The following MTFR1 variants were observed in gnomAD, a reference collection of about 807,000 sequenced individuals.
MTFR1 encodes mitochondrial fission regulator 1, also known as chondrocyte protein with a poly-proline region.
In MTFR1, 28 loss-of-function variants were observed where a neutral mutation model predicts 38.8. That is an observed-to-expected ratio of 0.72 (90% confidence interval 0.53 to 0.99). The LOEUF is 0.99. Among genes scored for constraint, MTFR1 ranks in the 50% least tolerant of loss-of-function variants. MTFR1 has a pLI of 0.00. For missense variants in MTFR1, 358 were observed against 395.5 expected, an observed-to-expected ratio of 0.91 and a Z score of 0.81; for synonymous variants, 145 against 137.0, an observed-to-expected ratio of 1.06 and a Z score of -0.41.
At chr8:65,729,152 CAAAA>C (rs1563472924) in intron 3 of MTFR1, among the ~76,000 whole-genome samples, 1 of 139,746 alleles carries the variant, frequency 7.2e-6, no homozygotes, top group Non-Finnish European at 1.7e-5. Flanking sequence ...AAAGAAATGT[CAAAA>C]AAGAAACTAC....
At chr8:65,684,608 C>A (rs1805014462) in intron 3 of MTFR1, among the ~76,000 whole-genome samples, 1 of 151,346 alleles carries the variant, frequency 6.6e-6, no homozygotes, top group Admixed American at 6.6e-5. Flanking sequence ...TGGTCTCGAA[C>A]TCCCAACCAC....
At chr8:65,703,737 T>C (rs542032895) in intron 4 of MTFR1, among the ~76,000 whole-genome samples, 2 of 152,196 alleles carry the variant, frequency 1.3e-5, no homozygotes, top group South Asian at 4.1e-4. Flanking sequence ...ACCTGGCCTC[T>C]TTGTTATTTT....
At chr8:65,662,843 G>A (rs116925070) in intron 1 of MTFR1, among the ~76,000 whole-genome samples, 27,532 of 149,106 alleles carry the variant, frequency 0.18, 2,709 homozygotes, top group Middle Eastern at 0.23. Context: ...CATCCACCTC[G>A]TCCGGAAGGG....
chr8:65,774,797 G>C (rs1809210000), downstream of MTFR1, among the ~76,000 whole-genome samples: 1 of 151,576 alleles, frequency 6.6e-6, no homozygotes, highest in Non-Finnish European at 1.5e-5. Context: ...CCAAAACAAA[G>C]AAAAATTTAA....
exon 3 of MTFR1, chr8:65,719,458 T>C (rs1220062830): frequency 6.2e-7 from 1 of 1,613,948 alleles, no homozygotes; most frequent in African/African-American, 1.3e-5. Context: ...ACCTGGCCCA[T>C]TCTGTAAATA....
intron 3 of MTFR1, among the ~76,000 whole-genome samples, chr8:65,742,795 A>G (rs952209915): frequency 1.3e-5 from 2 of 152,216 alleles, no homozygotes; most frequent in African/African-American, 4.8e-5. Flanking sequence ...TCCACCTCTA[A>G]AATCAAAGGT....
At chr8:65,727,289 C>A in intron 3 of MTFR1, 1 of 1,612,412 alleles carries the variant, frequency 6.2e-7, no homozygotes, top group Non-Finnish European at 8.5e-7. Flanking sequence ...CAAGGAGTTA[C>A]AGAATTGGCA....
At chr8:65,644,586 T>C (rs578189271), upstream of MTFR1, 1 of 152,266 alleles carries the variant, frequency 6.6e-6, no homozygotes, top group South Asian at 2.1e-4. Context: ...CGACTGTGAC[T>C]CTCAGCAGCC....
intron 3 of MTFR1, among the ~76,000 whole-genome samples, chr8:65,768,373 T>C (rs774760699): frequency 6.6e-6 from 1 of 152,172 alleles, no homozygotes; most frequent in Non-Finnish European, 1.5e-5. Flanking sequence ...TAGGAGGTAG[T>C]TGAATCATGG....
At chr8:65,725,984 G>T (rs1449349552) in intron 3 of MTFR1, among the ~76,000 whole-genome samples, 1 of 152,004 alleles carries the variant, frequency 6.6e-6, no homozygotes, top group Non-Finnish European at 1.5e-5. Flanking sequence ...CGTGAATAAA[G>T]ATTTAAAAAA....
intron 2 of MTFR1, among the ~76,000 whole-genome samples, chr8:65,672,834 C>G (rs910445573): frequency 3.0e-4 from 45 of 152,242 alleles, no homozygotes; most frequent in Admixed American, 9.2e-4. Flanking sequence ...CCTTGCTTCT[C>G]TCAGCCTTCA....
chr8:65,680,922 T>C (rs1485661061), intron 2 of MTFR1, among the ~76,000 whole-genome samples: 9 of 142,872 alleles, frequency 6.3e-5, no homozygotes, highest in Non-Finnish European at 1.4e-4. Context: ...TTTTTTTTTT[T>C]TGAGACGGAG....
the MTFR1 span, among the ~76,000 whole-genome samples, chr8:65,776,326 G>A: frequency 6.6e-6 from 1 of 151,948 alleles, no homozygotes; most frequent in African/African-American, 2.4e-5. Flanking sequence ...GTCAGTCCTT[G>A]AATTAACATC....
At chr8:65,775,415 A>G (rs773238255), downstream of MTFR1, among the ~76,000 whole-genome samples, 4 of 152,246 alleles carry the variant, frequency 2.6e-5, no homozygotes, top group Non-Finnish European at 5.9e-5. Flanking sequence ...TTTTAAGGCT[A>G]TGAATTTTCC....
At chr8:65,734,796 T>G in intron 3 of MTFR1, 1 of 1,559,254 alleles carries the variant, frequency 6.4e-7, no homozygotes, top group Non-Finnish European at 8.8e-7. Context: ...CCTCTTACCT[T>G]AGGTTCCTTT....
At chr8:65,710,629 G>C (rs1805917576), downstream of MTFR1, 1 of 151,846 alleles carries the variant, frequency 6.6e-6, no homozygotes, top group African/African-American at 2.4e-5. Context: ...AGCTTCTTTA[G>C]AATAATTTTC....
chr8:65,730,181 T>C (rs1357706866), intron 3 of MTFR1, among the ~76,000 whole-genome samples: 16 of 131,470 alleles, frequency 1.2e-4, no homozygotes, highest in Non-Finnish European at 2.1e-4. Flanking sequence ...CTTTTTTTTT[T>C]TTTTTTTTTT....
chr8:65,672,265 G>T (rs1804584551), intron 2 of MTFR1, among the ~76,000 whole-genome samples: 1 of 152,148 alleles, frequency 6.6e-6, no homozygotes, highest in South Asian at 2.1e-4. Context: ...CTAACATAAA[G>T]CAATGTGATC....
rs546447706 is a variant in MTFR1, at chr8:65,766,031, C to T, written c.*49-4916C>T. On this transcript the variant is annotated intron_variant, in intron 3 of 3. Transcript: ENST00000521247. ...CACTATCTCAACTCACTGCAACCTCCGCCTCTTGGGTTCATGCCATTCTCC... is the reference window on the plus strand; with the variant it reads ...CACTATCTCAACTCACTGCAACCTCTGCCTCTTGGGTTCATGCCATTCTCC... 1.6e-3 allele frequency among the ~76,000 whole-genome samples: 238 copies of T among 152,266 alleles called. 1 individual carries two copies. The highest frequency in any genetic ancestry group is 5.3e-3 in the African/African-American group (222 of 41,548).
Sources: gnomAD v4.1 joint callset for allele counts (sites outside exome capture counted in the v4.1 genomes callset) on GRCh38, gnomAD v4.1.1 for gene constraint, MANE v1.5 for transcripts, NCBI Gene and HGNC (gene_info 2026-07-23, HGNC 2026-07-21) for gene names.